OSBPL8: variants seen among roughly 807,000 people sequenced by gnomAD.
OSBPL8 encodes the protein oxysterol-binding protein-related protein 8.
OSBPL8 carries 59 observed loss-of-function variants against 125.5 expected under a neutral mutation model. The ratio of observed to expected loss-of-function variants is 0.47; its 90% CI spans 0.38 to 0.58. The LOEUF (loss-of-function observed/expected upper bound fraction) is 0.58. OSBPL8 is among the 20% of genes least tolerant of loss of function. OSBPL8 has a pLI of 0.00. For missense variants in OSBPL8, 758 were observed against 1,047.8 expected (o/e 0.72, Z 3.82); for synonymous variants, 330 against 338.9 (o/e 0.97, Z 0.29).
chr12:76,368,423 A>G (rs1378007023), intron 21 of OSBPL8, among the ~76,000 whole-genome samples: 2 of 151,844 alleles, frequency 1.3e-5, no homozygotes, highest in Non-Finnish European at 1.5e-5. Context: ...TTGAATTTGT[A>G]GATTTATATC....
At chr12:76,543,141 C>T (rs1455650074) in intron 1 of OSBPL8, among the ~76,000 whole-genome samples, 2 of 150,988 alleles carry the variant, frequency 1.3e-5, no homozygotes, top group African/African-American at 4.9e-5. Context: ...TACAAAAGCT[C>T]GAAGAGGTCA....
At chr12:76,505,925 A>G (rs35431278) in intron 1 of OSBPL8, among the ~76,000 whole-genome samples, 57,752 of 152,014 alleles carry the variant, frequency 0.38, 11,565 homozygotes, top group Non-Finnish European at 0.46. Context: ...AGAAATGATA[A>G]GTTTTTACTT....
intron 1 of OSBPL8, among the ~76,000 whole-genome samples, chr12:76,516,469 CTTTG>C (rs997684920): frequency 3.3e-5 from 5 of 152,142 alleles, no homozygotes; most frequent in African/African-American, 1.2e-4. Flanking sequence ...TTTTTTGTGT[CTTTG>C]TTTTTCTGGC....
chr12:76,415,819 T>C (rs752177941), intron 4 of OSBPL8, among the ~76,000 whole-genome samples: 3 of 152,174 alleles, frequency 2.0e-5, no homozygotes, highest in Non-Finnish European at 4.4e-5. Context: ...GTAACACTCT[T>C]TTTCATAATA....
intron 15 of OSBPL8, among the ~76,000 whole-genome samples, chr12:76,380,521 ACT>A (rs1382194129): frequency 2.4e-5 from 2 of 81,952 alleles, no homozygotes; most frequent in African/African-American, 5.0e-5. Flanking sequence ...ATAGTGAGAC[ACT>A]GTCCCAAAAA....
At chr12:76,525,929 G>A (rs934729264) in intron 1 of OSBPL8, among the ~76,000 whole-genome samples, 1 of 152,146 alleles carries the variant, frequency 6.6e-6, no homozygotes, top group East Asian at 1.9e-4. Context: ...ATTGTGCTAG[G>A]TGCTTATCCC....
chr12:76,366,870 C>T (rs1166135478), intron 21 of OSBPL8, among the ~76,000 whole-genome samples: 2 of 152,130 alleles, frequency 1.3e-5, no homozygotes, highest in African/African-American at 4.8e-5. Flanking sequence ...GATCTTGGCT[C>T]ACTACAACCT....
At chr12:76,529,412 G>A (rs10506719) in intron 1 of OSBPL8, among the ~76,000 whole-genome samples, 15,992 of 151,422 alleles carry the variant, frequency 0.11, 1,246 homozygotes, top group East Asian at 0.36. Context: ...GTCAGATTAC[G>A]AAACCCAGCT....
At chr12:76,360,000 A>ATC (rs1952138894) in intron 21 of OSBPL8, among the ~76,000 whole-genome samples, 1 of 152,164 alleles carries the variant, frequency 6.6e-6, no homozygotes, top group Non-Finnish European at 1.5e-5. Flanking sequence ...GCCCCTCCAA[A>ATC]TCTCATGTCC....
intron 1 of OSBPL8, among the ~76,000 whole-genome samples, chr12:76,551,444 AG>A (rs1444633336): frequency 1.3e-5 from 2 of 152,222 alleles, no homozygotes; most frequent in African/African-American, 4.8e-5. Context: ...TACAATGCAC[AG>A]GAACACACAA....
chr12:76,533,208 T>TA (rs1471212422), intron 1 of OSBPL8, among the ~76,000 whole-genome samples: 1 of 152,230 alleles, frequency 6.6e-6, no homozygotes, highest in Non-Finnish European at 1.5e-5. Flanking sequence ...TGTTTCTTGC[T>TA]AGGTTTTTAA....
chr12:76,493,318 T>A (rs910873977), intron 1 of OSBPL8, among the ~76,000 whole-genome samples: 7 of 152,142 alleles, frequency 4.6e-5, no homozygotes, highest in Non-Finnish European at 1.0e-4. Context: ...GTTTTACTGG[T>A]GAGTTTTATA....
chr12:76,468,057 G>A (rs77902539), intron 2 of OSBPL8, among the ~76,000 whole-genome samples: 3,420 of 152,230 alleles, frequency 0.022, 61 homozygotes, highest in Non-Finnish European at 0.037. Flanking sequence ...TAGTTTACCT[G>A]AGTATTGTAT....
chr12:76,407,700 T>G (rs1287145573), intron 5 of OSBPL8, among the ~76,000 whole-genome samples: 2 of 152,148 alleles, frequency 1.3e-5, no homozygotes, highest in Admixed American at 6.5e-5. Flanking sequence ...TACCAAATAG[T>G]TATGTTAAGA....
At chr12:76,472,991 C>T (rs1047765971) in intron 2 of OSBPL8, among the ~76,000 whole-genome samples, 8 of 152,084 alleles carry the variant, frequency 5.3e-5, no homozygotes, top group Non-Finnish European at 1.2e-4. Context: ...TTGACACTGA[C>T]GCTACCGCTA....
intron 9 of OSBPL8, among the ~76,000 whole-genome samples, chr12:76,394,254 G>A (rs549823133): frequency 1.3e-5 from 2 of 151,660 alleles, no homozygotes; most frequent in African/African-American, 2.4e-5. Context: ...GGTTGTACTC[G>A]AATCTCTTAC....
chr12:76,496,376 T>TA (rs1212685980), intron 1 of OSBPL8, among the ~76,000 whole-genome samples: 1 of 151,778 alleles, frequency 6.6e-6, no homozygotes, highest in Non-Finnish European at 1.5e-5. Context: ...TGTAATTTTT[T>TA]TTTTTTTTTT....
intron 21 of OSBPL8, chr12:76,366,704 G>A (rs376928170): frequency 2.9e-4 from 73 of 247,652 alleles, no homozygotes; most frequent in African/African-American, 4.2e-4. Flanking sequence ...GCTGCATCTC[G>A]TAAGTTTTGT....
intron 7 of OSBPL8, among the ~76,000 whole-genome samples, chr12:76,399,208 T>C (rs964782222): frequency 3.9e-5 from 6 of 152,152 alleles, no homozygotes; most frequent in Non-Finnish European, 8.8e-5. Context: ...GAGGCCTTAG[T>C]AAGTCTTGGC....
Sources: allele counts gnomAD v4.1 joint callset (sites outside exome capture counted in the v4.1 genomes callset), GRCh38; gene constraint gnomAD v4.1.1; transcripts MANE v1.5; gene names NCBI Gene and HGNC (gene_info 2026-07-23, HGNC 2026-07-21).